Variants in FGF12 observed in about 807,000 individuals in gnomAD.
FGF12 encodes fibroblast growth factor 12B.
FGF12 carries 14 observed loss-of-function variants against 23.6 expected under a neutral mutation model. That is an observed-to-expected ratio of 0.59 (90% CI 0.39 to 0.93). The LOEUF is 0.93. Among genes scored for constraint, FGF12 ranks in the 40% least tolerant of loss-of-function variants. FGF12 has a pLI of 0.00. For synonymous variants in FGF12, 62 were observed against 77.3 expected (o/e 0.80, Z 1.04); for missense variants, 175 against 217.8 (o/e 0.80, Z 1.24).
Position 192,561,159 on chromosome 3 carries a change from C to T in FGF12, c.13+166022G>A, listed in dbSNP as rs559257046. Among the ~76,000 whole-genome samples, 3 of 152,174 alleles carry T rather than the reference C, an allele frequency of 2.0e-5. No individual in the cohort carries two copies. In the South Asian group the frequency reaches 6.2e-4, roughly 32 times the overall value. ...CATATATATATGCCATATATACACA[C>T]ACACAAACACACGCACAGCTATATA... is the stretch of plus-strand genomic sequence containing the variant. On this transcript the variant is annotated intron_variant, in intron 2 of 5. Coordinates refer to ENST00000445105, the MANE Select transcript of FGF12 (RefSeq NM_004113.6).
rs1482447213 is a variant in FGF12 at position 192,664,594 on chromosome 3, C to CAAAAAAAAAAAAAAAAAAAA, written c.13+62586_13+62587insTTTTTTTTTTTTTTTTTTTT. 5.1e-4 allele frequency among the ~76,000 whole-genome samples: 49 copies of CAAAAAAAAAAAAAAAAAAAA among 96,988 alleles called. 7 individuals carry two copies. Among genetic ancestry groups the CAAAAAAAAAAAAAAAAAAAA allele is most frequent in the East Asian group, 1.2e-3 (4 of 3,298 alleles). 63.6% of individuals were successfully genotyped at this position (96,988 alleles called of 152,430 possible). On this transcript the variant is annotated intron_variant, in intron 2 of 5. Transcript: ENST00000445105. ...TGAAACCCTGTCTCTACTAAAAATA[C>CAAAAAAAAAAAAAAAAAAAA]AAAAAAAATACAAAAAAAAAAAAAA...
In FGF12 at chr3:192,438,531, G is replaced by T. The variant is rs530965408; in HGVS notation, c.14-77993C>A. Reference sequence around the variant, plus strand: ...TCCAGAGGCAGAACTAAGGATTCCTGCTCTTCGTATTTCCTGGTGCCAGTG... The same window carrying T: ...TCCAGAGGCAGAACTAAGGATTCCTTCTCTTCGTATTTCCTGGTGCCAGTG... On this transcript the variant is annotated intron_variant, in intron 2 of 5. Coordinates refer to ENST00000445105, the MANE Select transcript of FGF12 (RefSeq NM_004113.6). Among the ~76,000 whole-genome samples, 7 of 152,272 alleles carry T rather than the reference G, an allele frequency of 4.6e-5. No individual in the cohort carries two copies. In the East Asian group the frequency reaches 1.4e-3, roughly 29 times the overall value.
At chr3:192,660,891 G>A (rs1050923442) in intron 2 of FGF12, among the ~76,000 whole-genome samples, 4 of 146,930 alleles carry the variant, frequency 2.7e-5, no homozygotes, top group African/African-American at 1.0e-4. Flanking sequence ...GGGGGTGGGG[G>A]TGGGGCAAAA....
intron 2 of FGF12, among the ~76,000 whole-genome samples, chr3:192,454,422 GA>G (rs1722618993): frequency 6.6e-6 from 1 of 152,030 alleles, no homozygotes; most frequent in South Asian, 2.1e-4. Flanking sequence ...TTCGTCAGCA[GA>G]ATAAAATGAA....
At chr3:192,177,054 T>C (rs1188837585) in intron 4 of FGF12, among the ~76,000 whole-genome samples, 2 of 152,168 alleles carry the variant, frequency 1.3e-5, no homozygotes, top group Non-Finnish European at 1.5e-5. Flanking sequence ...ATGAACAGAA[T>C]AGAAAAACAG....
chr3:192,392,153 C>T (rs1185582867), intron 2 of FGF12, among the ~76,000 whole-genome samples: 1 of 152,108 alleles, frequency 6.6e-6, no homozygotes, highest in Non-Finnish European at 1.5e-5. Context: ...TTTTGTTTCT[C>T]AGAAGACTTG....
Position 192,144,039 on chromosome 3 carries a change from T to G in FGF12, c.516A>C (p.Gly172=). 6.2e-7 allele frequency: 1 copy of G among 1,612,916 alleles called. No individual in the cohort carries two copies. The highest frequency in any genetic ancestry group is 1.1e-5 in the South Asian group (1 of 91,052). Residue 172 remains glycine (G), a synonymous_variant, in exon 6 of 6, where the codon GGA becomes GGC. Transcript: ENST00000445105. The part of the protein sequence containing the change: ...RKSSGTPTMN[G]GKVVNQDST ...TTGAATCTTGATTCACAACTTTGCCTCCATTCATGGTTGGTGTTCCAGAAC... is the reference window on the plus strand; with the variant it reads ...TTGAATCTTGATTCACAACTTTGCCGCCATTCATGGTTGGTGTTCCAGAAC...
intron 5 of FGF12, among the ~76,000 whole-genome samples, chr3:192,158,982 C>CAATGTCT (rs1367188682): frequency 6.6e-6 from 1 of 151,948 alleles, no homozygotes; most frequent in Non-Finnish European, 1.5e-5. Flanking sequence ...CCTGTGATCC[C>CAATGTCT]AATGTCTGCT....
chr3:192,340,790 A>G (rs563071655), intron 3 of FGF12, among the ~76,000 whole-genome samples: 3 of 152,274 alleles, frequency 2.0e-5, no homozygotes, highest in African/African-American at 7.2e-5. Flanking sequence ...CTTATGTTAT[A>G]CCATACATAA....
chr3:192,285,185 T>A (rs1411805380), intron 4 of FGF12, among the ~76,000 whole-genome samples: 1 of 152,084 alleles, frequency 6.6e-6, no homozygotes, highest in Non-Finnish European at 1.5e-5. Flanking sequence ...TTAATCCCCA[T>A]GACCCTTAGT....
chr3:192,328,303 G>A (rs1399170817), intron 4 of FGF12, among the ~76,000 whole-genome samples: 2 of 152,182 alleles, frequency 1.3e-5, no homozygotes, highest in South Asian at 2.1e-4. Context: ...AGGGGCTTTG[G>A]GTCACACAAT....
intron 4 of FGF12, among the ~76,000 whole-genome samples, chr3:192,230,602 C>G (rs936435077): frequency 1.3e-5 from 2 of 152,110 alleles, no homozygotes; most frequent in Admixed American, 1.3e-4. Context: ...CTGGAAATAA[C>G]AATTCACAGA....
intron 2 of FGF12, among the ~76,000 whole-genome samples, chr3:192,591,515 C>T (rs925612354): frequency 1.3e-5 from 2 of 151,786 alleles, no homozygotes; most frequent in Non-Finnish European, 2.9e-5. Flanking sequence ...CTGGTTGTGG[C>T]TTATTTATAA....
chr3:192,291,553 T>A (rs1287397021), intron 4 of FGF12, among the ~76,000 whole-genome samples: 1 of 151,490 alleles, frequency 6.6e-6, no homozygotes, highest in African/African-American at 2.4e-5. Context: ...AATGCATTCC[T>A]GCCAGGGCAA....
chr3:192,255,512 T>C (rs1712327965), intron 4 of FGF12, among the ~76,000 whole-genome samples: 2 of 152,152 alleles, frequency 1.3e-5, no homozygotes, highest in South Asian at 4.1e-4. Context: ...TTAAAATGCA[T>C]ATCATAGCAT....
At chr3:192,717,890 G>A (rs1027605463) in intron 2 of FGF12, among the ~76,000 whole-genome samples, 2 of 152,056 alleles carry the variant, frequency 1.3e-5, no homozygotes, top group African/African-American at 2.4e-5. Flanking sequence ...AAGAAATTCA[G>A]TTTATTAACC....
intron 4 of FGF12, among the ~76,000 whole-genome samples, chr3:192,300,360 T>A (rs1306842923): frequency 1.3e-5 from 2 of 152,140 alleles, no homozygotes; most frequent in African/African-American, 4.8e-5. Flanking sequence ...TTATGAAAGG[T>A]TATATAAAAC....
intron 4 of FGF12, among the ~76,000 whole-genome samples, chr3:192,329,041 G>A (rs916999257): frequency 2.6e-5 from 4 of 152,264 alleles, no homozygotes; most frequent in South Asian, 2.1e-4. Flanking sequence ...ACTTGAAATA[G>A]GCAATTCTTC....
chr3:192,431,525 T>C (rs1252590379), intron 2 of FGF12, among the ~76,000 whole-genome samples: 1 of 152,220 alleles, frequency 6.6e-6, no homozygotes, highest in Non-Finnish European at 1.5e-5. Flanking sequence ...TATACTGTTA[T>C]TCTACTTCCT....
Sources: allele counts gnomAD v4.1 joint callset (sites outside exome capture counted in the v4.1 genomes callset), GRCh38; gene constraint gnomAD v4.1.1; transcripts MANE v1.5; gene names NCBI Gene and HGNC (gene_info 2026-07-23, HGNC 2026-07-21).